Variants in KIAA0586 observed in about 807,000 individuals in gnomAD.
The protein encoded by KIAA0586 is protein TALPID3.
A neutral mutation model predicts 169.8 loss-of-function variants in KIAA0586; 144 were observed. That is an observed-to-expected ratio of 0.85 (90% confidence interval 0.74 to 0.97). The LOEUF is 0.97. Ranked by LOEUF, KIAA0586 falls within the 50% of genes least tolerant of loss-of-function variation. The pLI is 0.00. For synonymous variants in KIAA0586, 625 were observed against 612.4 expected (o/e 1.02, Z -0.30); for missense variants, 1,854 against 1,823.0 (o/e 1.02, Z -0.31).
intron 29 of KIAA0586, among the ~76,000 whole-genome samples, chr14:58,524,393 A>G (rs1458803962): frequency 1.3e-5 from 2 of 152,250 alleles, no homozygotes; most frequent in Non-Finnish European, 2.9e-5. Flanking sequence ...TTTAACAGAC[A>G]TAGAATTCTC....
chr14:58,446,565 A>G (rs1449204554), intron 6 of KIAA0586, among the ~76,000 whole-genome samples: 1 of 152,126 alleles, frequency 6.6e-6, no homozygotes, highest in East Asian at 1.9e-4. Flanking sequence ...GTATATATCT[A>G]TAACTTAATG....
intron 30 of KIAA0586, 84 bp from the exon 31 acceptor site, chr14:58,547,697 A>G: frequency 3.4e-6 from 2 of 596,014 alleles, no homozygotes; most frequent in Non-Finnish European, 5.7e-6. Flanking sequence ...CCCCCACCCC[A>G]ACCTCATATT....
intron 30 of KIAA0586, among the ~76,000 whole-genome samples, chr14:58,542,997 G>A (rs1042738935): frequency 7.9e-5 from 12 of 151,808 alleles, no homozygotes; most frequent in Non-Finnish European, 1.2e-4. Flanking sequence ...GCGTGGTGGC[G>A]GGCGCCTTTA....
At chr14:58,434,940 C>T (rs942097650) in intron 4 of KIAA0586, among the ~76,000 whole-genome samples, 3 of 151,858 alleles carry the variant, frequency 2.0e-5, no homozygotes, top group African/African-American at 4.8e-5. Context: ...AGGCATGTGC[C>T]ACCACATCCA....
chr14:58,528,673 C>A (rs547878408), intron 29 of KIAA0586, among the ~76,000 whole-genome samples: 1 of 152,166 alleles, frequency 6.6e-6, no homozygotes, highest in South Asian at 2.1e-4. Flanking sequence ...AAAGACACAA[C>A]GTACCAGAAT....
At chr14:58,495,665 A>C (rs1281674945) in intron 26 of KIAA0586, among the ~76,000 whole-genome samples, 1 of 152,074 alleles carries the variant, frequency 6.6e-6, no homozygotes, top group East Asian at 1.9e-4. Context: ...GCAGGTTGCA[A>C]GGCTTTTTAA....
chr14:58,476,678 T>TTC (rs1201127482), intron 19 of KIAA0586, among the ~76,000 whole-genome samples: 10 of 150,822 alleles, frequency 6.6e-5, no homozygotes, highest in Non-Finnish European at 1.2e-4. Flanking sequence ...CTTTTTTTTT[T>TTC]TTTTTTTGAG....
chr14:58,484,938 T>A (rs1392177426), intron 21 of KIAA0586, among the ~76,000 whole-genome samples: 65 of 25,946 alleles, frequency 2.5e-3, no homozygotes, highest in Non-Finnish European at 4.4e-3. Context: ...TTTTTTTTTT[T>A]TTTTTTTTTT....
At chr14:58,539,957 A>G in intron 29 of KIAA0586, 114 bp from the exon 30 acceptor site, 1 of 611,990 alleles carries the variant, frequency 1.6e-6, no homozygotes, top group Admixed American at 3.2e-5. Context: ...ACCTGGTTTT[A>G]TGAGAATAAC....
At chr14:58,430,619 A>G in intron 2 of KIAA0586, 29 bp from the exon 3 acceptor site, 1 of 1,381,002 alleles carries the variant, frequency 7.2e-7, no homozygotes, top group Non-Finnish European at 1.0e-6. Flanking sequence ...AAGTTTATTT[A>G]GCCTATTTCT....
chr14:58,515,413 A>G (rs906070943), intron 29 of KIAA0586, among the ~76,000 whole-genome samples: 1 of 152,140 alleles, frequency 6.6e-6, no homozygotes, highest in African/African-American at 2.4e-5. Context: ...AGCTGTGACA[A>G]TAACTTTAAA....
chr14:58,502,153 T>C (rs1320034613), intron 27 of KIAA0586, among the ~76,000 whole-genome samples: 1 of 152,178 alleles, frequency 6.6e-6, no homozygotes, highest in Non-Finnish European at 1.5e-5. Context: ...TCTTTTCTTT[T>C]GAGACAGAGT....
rs761067604 is a variant in KIAA0586, at chr14:58,448,388, A to G, written c.856A>G (p.Ser286Gly). 4 of 1,607,960 alleles carry G rather than the reference A, an allele frequency of 2.5e-6. No homozygotes were observed. In the East Asian group the frequency reaches 6.7e-5, roughly 27 times the overall value. The change falls in exon 7 of 31, where the codon AGT becomes GGT. Residue 286 changes from serine to glycine, a missense_variant. Coordinates refer to ENST00000652326, the MANE Select transcript of KIAA0586 (RefSeq NM_001329943.3). ...CAAGACTAGTAGTTTTCAGCCTGTT[A>G]GTATGCCCTCCTCCAGAGCAGTGGA... The part of the protein sequence containing the change: ...ALKTSSFQPV[S>G]MPSSRAVEKY...
In KIAA0586 at chr14:58,428,259, A is replaced by C; in HGVS notation, c.-6A>C. ...TAAGTGTGGGACTTGTTTTGTGACC[A>C]ACAATATGAAAGGCTCTGAGGTCAG... On this transcript the variant is annotated 5_prime_UTR_variant, in exon 1 of 31. Coordinates refer to ENST00000652326, the MANE Select transcript of KIAA0586 (RefSeq NM_001329943.3). 6.2e-7 allele frequency: 1 copy of C among 1,612,606 alleles called. No individual in the cohort carries two copies.
chr14:58,482,811 T>C (rs1250304238), intron 21 of KIAA0586, 99 bp downstream of exon 21: 1 of 874,266 alleles, frequency 1.1e-6, no homozygotes, highest in Admixed American at 3.0e-5. Context: ...AGTATTATTA[T>C]CATTTTTAGA....
At chr14:58,513,079 A>G (rs935509725) in intron 29 of KIAA0586, among the ~76,000 whole-genome samples, 2 of 152,080 alleles carry the variant, frequency 1.3e-5, no homozygotes, top group South Asian at 2.1e-4. Context: ...GGATGACCAT[A>G]TCATAGTTCT....
At chr14:58,477,029 TAAAGGTTATTTTTAGG>T in intron 19 of KIAA0586, 78 bp from the exon 20 acceptor site, 2 of 629,100 alleles carry the variant, frequency 3.2e-6, no homozygotes, top group East Asian at 5.5e-5. Flanking sequence ...GTGGCATTGG[TAAAGGTTATTTTTAGG>T]GGTGGTATGT....
intron 23 of KIAA0586, 138 bp downstream of exon 23, chr14:58,488,247 TA>T (rs1247903811): frequency 2.7e-6 from 2 of 746,600 alleles, no homozygotes; most frequent in East Asian, 5.4e-5. Context: ...AGAACTTTCA[TA>T]AGTGTTGAGT....
At chr14:58,523,525 C>G (rs1380699479) in intron 29 of KIAA0586, among the ~76,000 whole-genome samples, 1 of 151,870 alleles carries the variant, frequency 6.6e-6, no homozygotes, top group Non-Finnish European at 1.5e-5. Context: ...CAATTAGTAG[C>G]CTTTTTATTC....
Sources: allele counts gnomAD v4.1 joint callset (sites outside exome capture counted in the v4.1 genomes callset), GRCh38; gene constraint gnomAD v4.1.1; transcripts MANE v1.5; gene names NCBI Gene and HGNC (gene_info 2026-07-23, HGNC 2026-07-21).